Variants in RBFOX3 observed in about 807,000 individuals in gnomAD.
RBFOX3 encodes RNA binding fox-1 homolog 3.
A neutral mutation model predicts 48.7 loss-of-function variants in RBFOX3; 17 were observed. That is an observed-to-expected ratio of 0.35 (90% confidence interval 0.24 to 0.52). The LOEUF is 0.52. RBFOX3 is among the 20% of genes least tolerant of loss of function. RBFOX3 has a pLI of 0.94. For missense variants in RBFOX3, 382 were observed against 497.5 expected (o/e 0.77, Z 2.21); for synonymous variants, 212 against 209.5 (o/e 1.01, Z -0.10).
intron 2 of RBFOX3, among the ~76,000 whole-genome samples, chr17:79,430,191 C>G (rs192644098): frequency 3.3e-5 from 5 of 152,124 alleles, no homozygotes; most frequent in African/African-American, 1.2e-4. Context: ...TGAACAATAG[C>G]CCAGTCACTT....
At chr17:79,437,935 C>T (rs2069896627) in intron 2 of RBFOX3, among the ~76,000 whole-genome samples, 1 of 111,612 alleles carries the variant, frequency 9.0e-6, no homozygotes, top group Non-Finnish European at 2.2e-5. Flanking sequence ...CACGCATTCA[C>T]ACACAGATAC....
chr17:79,457,595 C>T (rs1019299249), intron 2 of RBFOX3, among the ~76,000 whole-genome samples: 10 of 152,182 alleles, frequency 6.6e-5, no homozygotes, highest in Non-Finnish European at 1.2e-4. Flanking sequence ...GTTGGGGCGC[C>T]CTCTCTCCCC....
Position 79,101,622 on chromosome 17 carries a change from A to T in RBFOX3, c.530T>A (p.Val177Glu). Reference protein sequence around the residue: ...KIEVNNATARVMTNKKTGNPY... With the variant: ...KIEVNNATAREMTNKKTGNPY... ...GTTCCCCGTCTTCTTGTTGGTCATC[A>T]CTCGGGCCGTGGCATTATTGACCTG... Residue 177 changes from valine to glutamate, a missense_variant, in exon 9 of 15, where the codon GTG becomes GAG. Transcript: ENST00000693108. The T allele has an allele frequency of 6.4e-7, 1 of 1,550,970 alleles. No individual in the cohort carries two copies. The highest frequency in any genetic ancestry group is 1.2e-5 in the South Asian group (1 of 84,046).
chr17:79,151,389 C>T (rs1208525524), intron 4 of RBFOX3, among the ~76,000 whole-genome samples: 4 of 124,128 alleles, frequency 3.2e-5, no homozygotes, highest in African/African-American at 6.3e-5. Flanking sequence ...GGCTTCCCGG[C>T]AGAGAGCAAA....
At chr17:79,385,097 C>G (rs2060399834) in intron 2 of RBFOX3, among the ~76,000 whole-genome samples, 1 of 152,220 alleles carries the variant, frequency 6.6e-6, no homozygotes, top group Non-Finnish European at 1.5e-5. Context: ...CAGGAATGCC[C>G]TGGCTCTTGG....
chr17:79,107,658 C>T (rs1253185802), intron 5 of RBFOX3, among the ~76,000 whole-genome samples: 2 of 152,264 alleles, frequency 1.3e-5, no homozygotes, highest in African/African-American at 4.8e-5. Flanking sequence ...GCTTCATCAG[C>T]ATCGGCCGGG....
chr17:79,531,612 G>A (rs1026824288), intron 1 of RBFOX3, among the ~76,000 whole-genome samples: 2 of 152,096 alleles, frequency 1.3e-5, no homozygotes, highest in African/African-American at 2.4e-5. Flanking sequence ...AAGGTGATGG[G>A]CCCCTCTAAG....
rs2076883373 is a variant in RBFOX3 at position 79,311,714 on chromosome 17, C to T, written c.-174-3890G>A. Among the ~76,000 whole-genome samples the T allele has an allele frequency of 1.3e-5, 2 of 152,198 alleles. No individual in the cohort carries two copies. Among genetic ancestry groups the T allele is most frequent in the Non-Finnish European group, 2.9e-5 (2 of 68,040 alleles). ...TCCTGGAGCTGACTCTGTCCATCAACAGAACCAGACATCCCACCTCCCCAT... is the reference window on the plus strand; with the variant it reads ...TCCTGGAGCTGACTCTGTCCATCAATAGAACCAGACATCCCACCTCCCCAT... On this transcript the variant is annotated intron_variant, in intron 2 of 14. Transcript: ENST00000693108. This position sits in a 1 kb window ranked among gnomAD's most constrained non-coding sequence, Gnocchi z 4.2.
At chr17:79,359,714 G>GC (rs1385157671) in intron 2 of RBFOX3, among the ~76,000 whole-genome samples, 1 of 146,792 alleles carries the variant, frequency 6.8e-6, no homozygotes, top group Non-Finnish European at 1.5e-5. Flanking sequence ...ACTATCTCCT[G>GC]CACTTCGTAA....
In RBFOX3 at chr17:79,445,971, G is replaced by A. The variant is rs540113810; in HGVS notation, c.-175+36483C>T. ...TTCCAGTTGTCACAGCTGTGGCTGGGGGTGATGCTGGCACATGGCGAGCGG... is the reference window on the plus strand; with the variant it reads ...TTCCAGTTGTCACAGCTGTGGCTGGAGGTGATGCTGGCACATGGCGAGCGG... On this transcript the variant is annotated intron_variant, in intron 2 of 14. Coordinates refer to ENST00000693108, the MANE Select transcript of RBFOX3 (RefSeq NM_001350451.2). 3.1e-3 allele frequency among the ~76,000 whole-genome samples: 476 copies of A among 152,324 alleles called. 7 individuals carry two copies. The highest frequency in any genetic ancestry group is 1.0e-3 in the South Asian group (5 of 4,826).
At chr17:79,256,529 C>T (rs114540350) in intron 3 of RBFOX3, among the ~76,000 whole-genome samples, 1,666 of 152,320 alleles carry the variant, frequency 0.011, 15 homozygotes, top group African/African-American at 0.024. Flanking sequence ...CAACCTGCTA[C>T]AGCCCTTAAT....
At chr17:79,325,381 G>C (rs1382958224) in intron 2 of RBFOX3, among the ~76,000 whole-genome samples, 1 of 152,144 alleles carries the variant, frequency 6.6e-6, no homozygotes, top group Non-Finnish European at 1.5e-5. Context: ...GAAAGAAAGA[G>C]CTATGGCATC....
At chr17:79,664,894 A>G in the RBFOX3 span, among the ~76,000 whole-genome samples, 1 of 152,250 alleles carries the variant, frequency 6.6e-6, no homozygotes, top group Non-Finnish European at 1.5e-5. Flanking sequence ...TTCACTTAGC[A>G]TAATGTCCTC....
rs1260370450 is a variant in RBFOX3, at chr17:79,195,827, C to T, written c.-34+39939G>A. 6.6e-6 allele frequency among the ~76,000 whole-genome samples: 1 copy of T among 152,230 alleles called. No individual in the cohort carries two copies. Among genetic ancestry groups the T allele is most frequent in the Non-Finnish European group, 1.5e-5 (1 of 68,042 alleles). ...GTGCTAGGAGAAAGTGTCCTAGTGG[C>T]CAGCTCCCGTGCGGCTGCACTCGCT... On this transcript the variant is annotated intron_variant, in intron 4 of 14. Transcript: ENST00000693108. The surrounding 1 kb of genome is among the most constrained non-coding windows in gnomAD (Gnocchi z 5.3).
chr17:79,155,072 C>T (rs1159648248), intron 4 of RBFOX3, among the ~76,000 whole-genome samples: 5 of 152,236 alleles, frequency 3.3e-5, no homozygotes, highest in South Asian at 2.1e-4. Context: ...GGCGGCCTCC[C>T]TGCCACGGCA....
chr17:79,592,481 T>C (rs2093450702), intron 1 of RBFOX3, among the ~76,000 whole-genome samples: 1 of 152,060 alleles, frequency 6.6e-6, no homozygotes, highest in African/African-American at 2.4e-5. Flanking sequence ...TGTGCATGTG[T>C]ACGTGCGTTT....
intron 2 of RBFOX3, among the ~76,000 whole-genome samples, chr17:79,370,540 CAT>C (rs2058383030): frequency 2.1e-5 from 3 of 144,966 alleles, no homozygotes; most frequent in Non-Finnish European, 4.7e-5. Flanking sequence ...GAAATGCACA[CAT>C]ACACTAACAT....
chr17:79,281,886 A>G (rs1209575294), intron 3 of RBFOX3, among the ~76,000 whole-genome samples: 7 of 152,224 alleles, frequency 4.6e-5, no homozygotes, highest in African/African-American at 1.7e-4. Flanking sequence ...GAAGGAAGCC[A>G]TCATCGGGGA....
chr17:79,215,923 C>T (rs1320234739), intron 4 of RBFOX3, among the ~76,000 whole-genome samples: 5 of 152,246 alleles, frequency 3.3e-5, no homozygotes, highest in East Asian at 1.9e-4. Flanking sequence ...TGGACGTCGT[C>T]CTGAGGGTTC....
Sources: allele counts gnomAD v4.1 joint callset (sites outside exome capture counted in the v4.1 genomes callset), GRCh38; gene constraint gnomAD v4.1.1; non-coding constraint Gnocchi (gnomAD v3.1); transcripts MANE v1.5; gene names NCBI Gene and HGNC (gene_info 2026-07-23, HGNC 2026-07-21).